The following ERVH48-1 variants were observed in gnomAD, a reference collection of about 807,000 sequenced individuals.
The protein encoded by ERVH48-1 is suppressyn.
In ERVH48-1, 4 loss-of-function variants were observed where a neutral mutation model predicts 2.4. The observed-to-expected ratio is 1.68, with a 90% CI of 0.83 to 3.84. ERVH48-1 has a LOEUF of 3.84. ERVH48-1 is among the 30% of genes most tolerant of loss of function. The probability of loss-of-function intolerance (pLI) is 0.01; values close to 1 mark genes in which losing one functional copy is unlikely to be tolerated. For synonymous variants in ERVH48-1, 32 were observed against 15.5 expected, an observed-to-expected ratio of 2.06 and a Z score of -2.49; for missense variants, 97 against 43.4, an observed-to-expected ratio of 2.23 and a Z score of -3.47.
rs1601232851 is a variant in ERVH48-1, at chr21:42,918,227, G to A, written c.*297C>T. ...GAGGCATTGACTGTTAGGGTTTGGT[G>A]ACGGGTTTTCACCTACGGCGCGATG... On this transcript the variant is annotated 3_prime_UTR_variant, in exon 2 of 2. Transcript: ENST00000447535. The A allele has an allele frequency of 6.7e-6, 2 of 300,174 alleles. No homozygotes were observed. Among genetic ancestry groups the A allele is most frequent in the East Asian group, 1.8e-4 (2 of 11,124 alleles). The allele number at this position is 300,174 out of a possible 1,614,324, so 18.6% of individuals were successfully genotyped here. A position where few individuals can be genotyped will look rare whatever the true frequency, so the allele number is the denominator to read the frequency against.
At chr21:42,919,833 G>A (rs1202508356) in intron 1 of ERVH48-1, among the ~76,000 whole-genome samples, 1 of 152,184 alleles carries the variant, frequency 6.6e-6, no homozygotes, top group African/African-American at 2.4e-5. Flanking sequence ...CCTGGAGAAA[G>A]TACAGACAAA....
rs527397169 is a variant in ERVH48-1, at chr21:42,922,988, A to G, written c.-286+2358T>C. Among the ~76,000 whole-genome samples, 6 of 152,342 alleles carry G rather than the reference A, an allele frequency of 3.9e-5. No individual in the cohort carries two copies. The South Asian group carries it at 1.0e-3, about 26-fold the overall frequency. On this transcript the variant is annotated intron_variant, in intron 1 of 1. Transcript: ENST00000447535. ...CCCTTGGCTCAGATGAGGCAATGGT[A>G]GTTGCCGGGGTGTCCGTTCCAGGGC...
intron 1 of ERVH48-1, among the ~76,000 whole-genome samples, chr21:42,924,329 G>C (rs1241337807): frequency 2.6e-5 from 4 of 152,174 alleles, no homozygotes; most frequent in Non-Finnish European, 5.9e-5. Context: ...AGGAGGCTTA[G>C]GGGGTTAAAG....
intron 1 of ERVH48-1, 87 bp from the exon 2 acceptor site, chr21:42,919,378 C>G (rs571882060): frequency 1.1e-5 from 2 of 179,214 alleles, no homozygotes; most frequent in East Asian, 2.8e-4. Context: ...AGTGAAAGAC[C>G]GTGTCTGGAT....
rs562807117 is a variant in ERVH48-1, at chr21:42,925,354, G to A, written c.-294C>T. The A allele has an allele frequency of 8.2e-5, 37 of 449,156 alleles. No homozygotes were observed. The highest frequency in any genetic ancestry group is 6.5e-4 in the South Asian group (31 of 47,764). The allele number at this position is 449,156 out of a possible 1,614,324, so 27.8% of individuals were successfully genotyped here. ...GCTCCCAGGAAACTTACCAGTAGGC[G>A]AGATCAGTGACCGATGTGCATGCAC... On this transcript the variant is annotated 5_prime_UTR_variant, in exon 1 of 2. Transcript: ENST00000447535.
In ERVH48-1 at chr21:42,916,921, C is replaced by T. The variant is rs946437722; in HGVS notation, c.*1603G>A. 7 of 153,392 alleles carry T rather than the reference C, an allele frequency of 4.6e-5. No individual in the cohort carries two copies. The highest frequency in any genetic ancestry group is 1.0e-4 in the Non-Finnish European group (7 of 68,920). The allele number at this position is 153,392 out of a possible 1,614,324, so 9.5% of individuals were successfully genotyped here. A position where few individuals can be genotyped will look rare whatever the true frequency, so the allele number is the denominator to read the frequency against. ...ATAGTCCTCTGTAAACAGGAATTGT[C>T]CCAGCCTAACGTGACTGCTATGTAG... is the stretch of plus-strand genomic sequence containing the variant. On this transcript the variant is annotated 3_prime_UTR_variant, in exon 2 of 2. Coordinates refer to ENST00000447535, the MANE Select transcript of ERVH48-1 (RefSeq NM_001308491.2).
chr21:42,923,624 G>C (rs2058813196), intron 1 of ERVH48-1, among the ~76,000 whole-genome samples: 1 of 152,130 alleles, frequency 6.6e-6, no homozygotes, highest in Admixed American at 6.5e-5. Context: ...CACTTTTTGA[G>C]TCCTGCAAGG....
rs13433481 is a variant in ERVH48-1, at chr21:42,917,621, C to T, written c.*903G>A. 95 of 152,286 alleles carry T rather than the reference C, an allele frequency of 6.2e-4. No homozygotes were observed. The highest frequency in any genetic ancestry group is 2.1e-3 in the African/African-American group (89 of 41,562). The allele number at this position is 152,286 out of a possible 1,614,324, so 9.4% of individuals were successfully genotyped here. A position where few individuals can be genotyped will look rare whatever the true frequency, so the allele number is the denominator to read the frequency against. On this transcript the variant is annotated 3_prime_UTR_variant, in exon 2 of 2. Transcript: ENST00000447535. ...GGGCCAGCCTGTTTTGATAAATTGC[C>T]GCGCGCATTTGGTTTTGTTGTTGCG... is the stretch of plus-strand genomic sequence containing the variant.
intron 1 of ERVH48-1, among the ~76,000 whole-genome samples, chr21:42,920,515 G>A (rs909877399): frequency 2.6e-4 from 39 of 152,216 alleles, no homozygotes; most frequent in Non-Finnish European, 4.4e-5. Context: ...AGATGGACAA[G>A]TGTGAGTGCA....
At chr21:42,924,912 C>T (rs984488174) in intron 1 of ERVH48-1, among the ~76,000 whole-genome samples, 1 of 151,504 alleles carries the variant, frequency 6.6e-6, no homozygotes, top group Admixed American at 6.6e-5. Context: ...CCCCCTAAGA[C>T]CAGATGATCA....
In ERVH48-1 at chr21:42,918,575, A is replaced by C. The variant is rs968065073; in HGVS notation, c.432T>G (p.Thr144=). The C allele has an allele frequency of 6.6e-6, 3 of 455,898 alleles. No homozygotes were observed. The highest frequency in any genetic ancestry group is 1.3e-5 in the Non-Finnish European group (3 of 226,668). 28.2% of individuals were successfully genotyped at this position (455,898 alleles called of 1,614,324 possible). The change falls in exon 2 of 2, where the codon ACT becomes ACG. Residue 144 remains threonine (T), a synonymous_variant. Transcript: ENST00000447535. ...AATGCCGCGGGCGATTTTCAGGGGG[A>C]GTTGTTGGTTTTGAGGCTTTGGCTT... ...IAKAKASKPT[T]PPENRPRHFH... is the part of the protein sequence containing the mutation.
intron 1 of ERVH48-1, among the ~76,000 whole-genome samples, chr21:42,924,947 C>T (rs1335446052): frequency 2.8e-5 from 3 of 106,928 alleles, no homozygotes; most frequent in African/African-American, 4.4e-5. Context: ...CACACCTTAG[C>T]ATTTTTTTTT....
chr21:42,918,864 TAAC>T lies in ERVH48-1; in HGVS notation c.140_142del (p.Cys47del). 1 of 458,312 alleles carries T rather than the reference TAAC, an allele frequency of 2.2e-6. No homozygotes were observed. The highest frequency in any genetic ancestry group is 1.5e-5 in the South Asian group (1 of 64,594). 28.4% of individuals were successfully genotyped at this position (458,312 alleles called of 1,614,324 possible). ...CTCCCCTCTGTAGTGCAAAGACTGA[TAAC>T]ACTCACGGCAGCTCGGAGGGGCTGC... On this transcript the variant is annotated inframe_deletion, in exon 2 of 2. Transcript: ENST00000447535.
Position 42,924,858 on chromosome 21 carries a change from C to T in ERVH48-1, c.-286+488G>A, listed in dbSNP as rs140528429. On this transcript the variant is annotated intron_variant, in intron 1 of 1. Coordinates refer to ENST00000447535, the MANE Select transcript of ERVH48-1 (RefSeq NM_001308491.2). The stretch of plus-strand genomic sequence containing the variant: ...AGACGATAAAAGGAGCGTTTGTCAC[C>T]GCTGCCTTTTTCATTCCCAGAATGG... 1.5e-3 allele frequency among the ~76,000 whole-genome samples: 227 copies of T among 152,162 alleles called. 2 individuals are homozygous for T. The highest frequency in any genetic ancestry group is 4.6e-3 in the Admixed American group (71 of 15,286).
rs1331589385 is a variant in ERVH48-1 at position 42,918,978 on chromosome 21, TAGAAAGTGGTTGGGTAG to T, written c.12_28del (p.Pro6LeufsTer8). On this transcript the variant is annotated frameshift_variant, in exon 2 of 2. Coordinates refer to ENST00000447535, the MANE Select transcript of ERVH48-1 (RefSeq NM_001308491.2). LOFTEE classifies it high-confidence loss of function. ...AAGACTTTTGGTTGGAAGAGAGGTATAGAAAGTGGTTGGGTAGATACAGGCCATTCCTGGAAGCACGT... is the reference window on the plus strand; with the variant it reads ...AAGACTTTTGGTTGGAAGAGAGGTATATACAGGCCATTCCTGGAAGCACGT... The T allele has an allele frequency of 2.0e-6, 2 of 975,960 alleles. No individual in the cohort carries two copies. Among genetic ancestry groups the T allele is most frequent in the Admixed American group, 2.3e-5 (1 of 43,012 alleles). The allele number at this position is 975,960 out of a possible 1,614,324, so 60.5% of individuals were successfully genotyped here. A position where few individuals can be genotyped will look rare whatever the true frequency, so the allele number is the denominator to read the frequency against.
Position 42,925,457 on chromosome 21 carries a change from T to C in ERVH48-1, c.-397A>G. On this transcript the variant is annotated 5_prime_UTR_variant, in exon 1 of 2. Transcript: ENST00000447535. ...CTTTCCCAGATGGAGGGGTGGTAGG[T>C]CCACTGGGGACGTGGACGGAAGCCC... 1 of 444,482 alleles carries C rather than the reference T, an allele frequency of 2.2e-6. No individual in the cohort carries two copies. Among genetic ancestry groups the C allele is most frequent in the South Asian group, 2.0e-5 (1 of 48,844 alleles). 27.5% of individuals were successfully genotyped at this position (444,482 alleles called of 1,614,324 possible).
chr21:42,921,001 T>C (rs1369329431), intron 1 of ERVH48-1, among the ~76,000 whole-genome samples: 5 of 152,046 alleles, frequency 3.3e-5, no homozygotes. Flanking sequence ...AACTGTTAGG[T>C]TGGCATCAAG....
intron 1 of ERVH48-1, among the ~76,000 whole-genome samples, chr21:42,920,270 A>C (rs1285056404): frequency 6.6e-6 from 1 of 152,120 alleles, no homozygotes; most frequent in East Asian, 1.9e-4. Context: ...TGGGGAGTAA[A>C]GAGGAGAGAA....
At chr21:42,919,973 A>G (rs2058800699) in intron 1 of ERVH48-1, among the ~76,000 whole-genome samples, 1 of 152,150 alleles carries the variant, frequency 6.6e-6, no homozygotes. Flanking sequence ...CTGGGGTGAC[A>G]TTGAGTGGCA....
Sources: allele counts gnomAD v4.1 joint callset (sites outside exome capture counted in the v4.1 genomes callset), GRCh38; gene constraint gnomAD v4.1.1; transcripts MANE v1.5; gene names NCBI Gene and HGNC (gene_info 2026-07-23, HGNC 2026-07-21).